Variants in GABPA observed in about 807,000 individuals in gnomAD.
GABPA encodes GA-binding protein alpha chain.
Under a neutral mutation model 59.4 loss-of-function variants are expected in GABPA, and 4 were observed. The ratio of observed to expected loss-of-function variants is 0.07; its 90% CI spans 0.03 to 0.15. GABPA has a LOEUF of 0.15. GABPA is among the 10% of genes least tolerant of loss of function. The pLI is 1.00. For synonymous variants in GABPA, 164 were observed against 183.1 expected (o/e 0.90, Z 0.84); for missense variants, 251 against 543.8 (o/e 0.46, Z 5.36).
At chr21:25,748,589 GTAAACCCTTATCTT>G (rs1021706768) in intron 3 of GABPA, among the ~76,000 whole-genome samples, 47 of 152,220 alleles carry the variant, frequency 3.1e-4, no homozygotes, top group African/African-American at 1.1e-3. Context: ...GAGATTTAGA[GTAAACCCTTATCTT>G]CAATATGTAG....
At chr21:25,737,372 GT>G (rs1406135888) in intron 1 of GABPA, among the ~76,000 whole-genome samples, 1 of 152,190 alleles carries the variant, frequency 6.6e-6, no homozygotes, top group Non-Finnish European at 1.5e-5. Context: ...TCAAATCTCT[GT>G]TTTGCTTCTC....
chr21:25,751,109 T>G (rs949391793), intron 4 of GABPA, among the ~76,000 whole-genome samples: 1 of 152,054 alleles, frequency 6.6e-6, no homozygotes, highest in African/African-American at 2.4e-5. Flanking sequence ...GAGCTGTCAT[T>G]TTAGTCTGAG....
chr21:25,768,144 C>A (rs1442160827), intron 9 of GABPA, among the ~76,000 whole-genome samples: 1 of 151,956 alleles, frequency 6.6e-6, no homozygotes, highest in African/African-American at 2.4e-5. Flanking sequence ...AAACATAAAT[C>A]CAGCTCCATT....
intron 2 of GABPA, among the ~76,000 whole-genome samples, 172 bp downstream of exon 2, chr21:25,741,847 A>T (rs2035229979): frequency 6.6e-6 from 1 of 152,154 alleles, no homozygotes; most frequent in Admixed American, 6.5e-5. Flanking sequence ...CTGAGAGGGA[A>T]AGACAGTTTT....
At chr21:25,759,634 G>A (rs1374473057) in intron 6 of GABPA, among the ~76,000 whole-genome samples, 1 of 152,026 alleles carries the variant, frequency 6.6e-6, no homozygotes, top group African/African-American at 2.4e-5. Flanking sequence ...AAAAGACTTA[G>A]TACATTCATT....
At chr21:25,768,483 G>T (rs1262626680) in intron 9 of GABPA, among the ~76,000 whole-genome samples, 2 of 151,868 alleles carry the variant, frequency 1.3e-5, no homozygotes, top group African/African-American at 4.8e-5. Flanking sequence ...CTTATATTTT[G>T]TAGAGGGCTG....
intron 7 of GABPA, 28 bp from the exon 8 acceptor site, chr21:25,764,178 GAAAA>G (rs753487672): frequency 6.6e-7 from 1 of 1,514,854 alleles, no homozygotes; most frequent in African/African-American, 1.4e-5. Context: ...TGTATTGGAA[GAAAA>G]AAAATTTCTC....
rs752062513 is a variant in GABPA at position 25,764,545 on chromosome 21, G to C, written c.944-50G>C. Reference sequence around the variant, plus strand: ...GGACCAGTTTGTTGTCTTTGCCTTGGGCTAATCTATAACACTATAGCTAAT... The same window carrying C: ...GGACCAGTTTGTTGTCTTTGCCTTGCGCTAATCTATAACACTATAGCTAAT... On this transcript the variant is annotated intron_variant, in intron 8 of 9. Transcript: ENST00000400075. 13 of 1,538,138 alleles carry C rather than the reference G, an allele frequency of 8.5e-6. No individual in the cohort carries two copies. In the South Asian group the frequency reaches 1.4e-4, roughly 17 times the overall value.
At chr21:25,757,907 GA>G in intron 5 of GABPA, 102 bp from the exon 6 acceptor site, 1 of 439,062 alleles carries the variant, frequency 2.3e-6, no homozygotes, top group Non-Finnish European at 3.9e-6. Flanking sequence ...TATACTTGGG[GA>G]AAGAAAACAT....
At chr21:25,761,372 C>A (rs542715080) in intron 6 of GABPA, among the ~76,000 whole-genome samples, 5 of 152,220 alleles carry the variant, frequency 3.3e-5, no homozygotes, top group Non-Finnish European at 4.4e-5. Flanking sequence ...AAATCCAGAT[C>A]TGTCTGAAGC....
At chr21:25,755,405 C>T (rs2035609584) in intron 5 of GABPA, among the ~76,000 whole-genome samples, 2 of 147,488 alleles carry the variant, frequency 1.4e-5, no homozygotes, top group Non-Finnish European at 3.0e-5. Flanking sequence ...CACTATACTC[C>T]AGCCTGGGTG....
intron 6 of GABPA, 34 bp from the exon 7 acceptor site, chr21:25,762,278 T>C (rs1364321445): frequency 1.5e-6 from 2 of 1,302,350 alleles, no homozygotes; most frequent in East Asian, 4.7e-5. Context: ...ATTTTTGGTT[T>C]TAAATAAAAA....
At chr21:25,752,631 T>A (rs1179228578) in intron 5 of GABPA, among the ~76,000 whole-genome samples, 2 of 152,154 alleles carry the variant, frequency 1.3e-5, no homozygotes, top group Admixed American at 1.3e-4. Context: ...ATAAATAAGA[T>A]ACCATTGGGC....
chr21:25,766,178 G>A (rs1037642054), intron 9 of GABPA, among the ~76,000 whole-genome samples: 4 of 151,916 alleles, frequency 2.6e-5, no homozygotes, highest in African/African-American at 9.7e-5. Context: ...ATGAGGAAAC[G>A]ACCTGCTTTT....
At chr21:25,757,929 G>T in intron 5 of GABPA, 81 bp from the exon 6 acceptor site, 2 of 501,418 alleles carry the variant, frequency 4.0e-6, no homozygotes, top group Non-Finnish European at 6.6e-6. Flanking sequence ...CTGTGTGTAT[G>T]TGTGTGTATT....
chr21:25,764,537 T>C, intron 8 of GABPA, 58 bp from the exon 9 acceptor site: 1 of 1,520,580 alleles, frequency 6.6e-7, no homozygotes, highest in Non-Finnish European at 9.0e-7. Flanking sequence ...TTTGTTGTCT[T>C]TGCCTTGGGC....
rs968729001 is a variant in GABPA at position 25,755,432 on chromosome 21, T to TA, written c.554-2557dup. 6.9e-3 allele frequency among the ~76,000 whole-genome samples: 593 copies of TA among 85,662 alleles called. 10 individuals are homozygous for TA. Among genetic ancestry groups the TA allele is most frequent in the East Asian group, 0.06 (195 of 3,270 alleles). 56.2% of individuals were successfully genotyped at this position (85,662 alleles called of 152,430 possible). ...GCCTGGGTGGCAAAGCAAGACTGTC[T>TA]AAAAAAAAAAAAAAAAAAAAAGGGC... is the stretch of plus-strand genomic sequence containing the variant. On this transcript the variant is annotated intron_variant, in intron 5 of 9. Coordinates refer to ENST00000400075, the MANE Select transcript of GABPA (RefSeq NM_002040.4).
intron 1 of GABPA, among the ~76,000 whole-genome samples, chr21:25,738,619 G>A (rs1425760890): frequency 6.6e-6 from 1 of 152,146 alleles, no homozygotes; most frequent in Non-Finnish European, 1.5e-5. Context: ...GTTTTGCCTT[G>A]TATGTTTAAT....
At chr21:25,745,071 CT>C in intron 2 of GABPA, 138 bp from the exon 3 acceptor site, 1 of 751,542 alleles carries the variant, frequency 1.3e-6, no homozygotes, top group Non-Finnish European at 2.2e-6. Context: ...GGTGATGAGC[CT>C]GCCACAGTAT....
Sources: allele counts gnomAD v4.1 joint callset (sites outside exome capture counted in the v4.1 genomes callset), GRCh38; gene constraint gnomAD v4.1.1; transcripts MANE v1.5; gene names NCBI Gene and HGNC (gene_info 2026-07-23, HGNC 2026-07-21).